The following TYW1 variants were observed in gnomAD, a reference collection of about 807,000 sequenced individuals.
TYW1 encodes S-adenosyl-L-methionine-dependent tRNA 4-demethylwyosine synthase TYW1.
In TYW1, 46 loss-of-function variants were observed where a neutral mutation model predicts 96.2. The ratio of observed to expected loss-of-function variants is 0.48; its 90% CI spans 0.38 to 0.61. The LOEUF (loss-of-function observed/expected upper bound fraction) is 0.61, where lower values mean the gene tolerates loss of function less well. Ranked by LOEUF, TYW1 falls within the 20% of genes least tolerant of loss-of-function variation. TYW1 has a pLI of 0.00. For synonymous variants in TYW1, 274 were observed against 323.0 expected, an observed-to-expected ratio of 0.85 and a Z score of 1.63; for missense variants, 684 against 909.6, an observed-to-expected ratio of 0.75 and a Z score of 3.19.
At chr7:67,180,341 G>A (rs1356922722) in intron 13 of TYW1, among the ~76,000 whole-genome samples, 2 of 122,224 alleles carry the variant, frequency 1.6e-5, no homozygotes, top group African/African-American at 6.9e-5. Flanking sequence ...TCTGGCCCCC[G>A]TGTCCACATT....
chr7:67,056,267 G>A (rs760602948), intron 9 of TYW1, among the ~76,000 whole-genome samples: 5 of 152,112 alleles, frequency 3.3e-5, no homozygotes, highest in Admixed American at 6.6e-5. Context: ...CCAGGTGGGC[G>A]GATCATTTGA....
chr7:67,025,048 A>G, intron 7 of TYW1, 26 bp downstream of exon 7: 1 of 1,613,208 alleles, frequency 6.2e-7, no homozygotes. Flanking sequence ...GAAATGTTGC[A>G]CTTGGCTCCC....
chr7:67,117,176 C>T (rs1375973108), intron 12 of TYW1, among the ~76,000 whole-genome samples: 1 of 152,146 alleles, frequency 6.6e-6, no homozygotes, highest in African/African-American at 2.4e-5. Flanking sequence ...TGCTGTCAGA[C>T]TTGAAGTTAG....
chr7:67,066,380 AC>A (rs1795869810), intron 9 of TYW1, among the ~76,000 whole-genome samples: 1 of 152,036 alleles, frequency 6.6e-6, no homozygotes. Context: ...CTTGATTCCA[AC>A]CCTGGTTGAT....
At chr7:67,047,325 G>A (rs1431414625) in intron 7 of TYW1, among the ~76,000 whole-genome samples, 1 of 152,146 alleles carries the variant, frequency 6.6e-6, no homozygotes, top group Non-Finnish European at 1.5e-5. Context: ...GAGCCCAGGA[G>A]TTTGAGACCA....
chr7:67,095,571 T>C (rs908827484), intron 11 of TYW1, among the ~76,000 whole-genome samples: 6 of 151,592 alleles, frequency 4.0e-5, no homozygotes, highest in Non-Finnish European at 7.4e-5. Context: ...GGCAGGAGAA[T>C]TGCTTGAACC....
Position 67,058,665 on chromosome 7 carries a change from A to G in TYW1, c.1155+2778A>G, listed in dbSNP as rs368930218. On this transcript the variant is annotated intron_variant, in intron 9 of 15. Transcript: ENST00000359626. ...TTTTTTTTGTATTTTTTGTAGAGAC[A>G]GGGTTTCATCATGTTGCCCATGCTG... 6.6e-5 allele frequency among the ~76,000 whole-genome samples: 10 copies of G among 151,814 alleles called. No individual in the cohort carries two copies. In the East Asian group the frequency reaches 1.7e-3, roughly 26 times the overall value.
chr7:67,167,240 C>A (rs965198114), intron 13 of TYW1, among the ~76,000 whole-genome samples: 29 of 151,992 alleles, frequency 1.9e-4, no homozygotes, highest in African/African-American at 5.6e-4. Flanking sequence ...GAGGCCGAGG[C>A]GGTTGGATCA....
chr7:67,020,667 T>C lies in TYW1; in HGVS notation c.861+2524T>C, dbSNP rs140822036. On this transcript the variant is annotated intron_variant, in intron 6 of 15. Transcript: ENST00000359626. ...GCACCTAATCTGACTCTTGAATTTC[T>C]CCATTGTCATCCTATTATTCTCTCT... 2.0e-4 allele frequency among the ~76,000 whole-genome samples: 30 copies of C among 152,414 alleles called. No individual in the cohort carries two copies. In the East Asian group the frequency reaches 5.8e-3, roughly 29 times the overall value.
intron 8 of TYW1, among the ~76,000 whole-genome samples, chr7:67,054,352 A>T (rs1795446845): frequency 6.6e-6 from 1 of 152,224 alleles, no homozygotes. Flanking sequence ...GAGTTAATAT[A>T]ATAGAGGATG....
intron 14 of TYW1, among the ~76,000 whole-genome samples, chr7:67,186,259 CT>C: frequency 1.2e-5 from 1 of 84,708 alleles, no homozygotes; most frequent in African/African-American, 5.8e-5. Context: ...CATTTCCTTC[CT>C]TTCTTCCCCC....
chr7:67,010,787 A>G (rs889618534), intron 4 of TYW1, among the ~76,000 whole-genome samples: 1 of 152,024 alleles, frequency 6.6e-6, no homozygotes, highest in Non-Finnish European at 1.5e-5. Context: ...AAGATTTTTT[A>G]TAGAGATACG....
At chr7:67,193,719 A>G (rs1338531440) in intron 14 of TYW1, among the ~76,000 whole-genome samples, 1 of 150,642 alleles carries the variant, frequency 6.6e-6, no homozygotes, top group Non-Finnish European at 1.5e-5. Context: ...AGATCAGGCC[A>G]CTGCACTCCA....
At chr7:67,091,866 G>A (rs1457299524) in intron 11 of TYW1, among the ~76,000 whole-genome samples, 1 of 152,102 alleles carries the variant, frequency 6.6e-6, no homozygotes, top group Non-Finnish European at 1.5e-5. Flanking sequence ...GTTTGTTTTT[G>A]TGATTGTCTA....
At position 67,083,514 on chromosome 7, in the gene TYW1, T is replaced by G. The variant is rs1796447069; in HGVS notation, c.1359T>G (p.His453Gln). ...TCTTGAAGGAAGCCATTGAAAACCA[T>G]CAGAACATGATTAAGCAGTTTAAAG... Reference protein sequence around the residue: ...EMILKEAIENHQNMIKQFKGV... With the variant: ...EMILKEAIENQQNMIKQFKGV... The change falls in exon 11 of 16, where the codon CAT becomes CAG. Residue 453 changes from histidine to glutamine, a missense_variant. By Grantham distance (24) the His-to-Gln change is conservative. Coordinates refer to ENST00000359626, the MANE Select transcript of TYW1 (RefSeq NM_018264.4). 4 of 1,613,990 alleles carry G rather than the reference T, an allele frequency of 2.5e-6. No homozygotes were observed. The highest frequency in any genetic ancestry group is 1.1e-5 in the South Asian group (1 of 91,082).
chr7:67,054,111 A>G (rs1475557687), intron 8 of TYW1, among the ~76,000 whole-genome samples: 2 of 152,112 alleles, frequency 1.3e-5, no homozygotes, highest in African/African-American at 4.8e-5. Flanking sequence ...GTTGTTTCAT[A>G]TATTTTGTCC....
intron 15 of TYW1, among the ~76,000 whole-genome samples, chr7:67,201,952 T>A (rs1800613906): frequency 6.6e-6 from 1 of 152,188 alleles, no homozygotes; most frequent in South Asian, 2.1e-4. Flanking sequence ...GTTGTTGAAA[T>A]GCCCAACAGA....
intron 13 of TYW1, among the ~76,000 whole-genome samples, chr7:67,126,297 T>C (rs1797912134): frequency 6.6e-6 from 1 of 151,600 alleles, no homozygotes; most frequent in African/African-American, 2.4e-5. Context: ...ATGAGATGTC[T>C]GCTATGGTCT....
intron 15 of TYW1, among the ~76,000 whole-genome samples, chr7:67,212,250 T>C (rs560853304): frequency 1.5e-5 from 2 of 129,118 alleles, no homozygotes; most frequent in Non-Finnish European, 3.1e-5. Context: ...TTCTTTCTTT[T>C]TTTTTTAACC....
Sources: gnomAD v4.1 joint callset for allele counts (sites outside exome capture counted in the v4.1 genomes callset) on GRCh38, gnomAD v4.1.1 for gene constraint, MANE v1.5 for transcripts, NCBI Gene and HGNC (gene_info 2026-07-23, HGNC 2026-07-21) for gene names.